SYNDIG1: variants seen among roughly 807,000 people sequenced by gnomAD.
SYNDIG1 encodes synapse differentiation-inducing gene protein 1.
Under a neutral mutation model 19.4 loss-of-function variants are expected in SYNDIG1, and 9 were observed. The observed-to-expected ratio is 0.46, with a 90% CI of 0.28 to 0.81. The LOEUF is 0.81. Ranked by LOEUF, SYNDIG1 falls within the 30% of genes least tolerant of loss-of-function variation. SYNDIG1 has a pLI of 0.12. For missense variants in SYNDIG1, 311 were observed against 343.3 expected (o/e 0.91, Z 0.74); for synonymous variants, 141 against 145.9 (o/e 0.97, Z 0.24).
intron 2 of SYNDIG1, among the ~76,000 whole-genome samples, chr20:24,543,807 A>G (rs992746054): frequency 6.6e-6 from 1 of 152,216 alleles, no homozygotes; most frequent in African/African-American, 2.4e-5. Context: ...TGATTCTGGT[A>G]TGAGATGACC....
chr20:24,580,607 C>T (rs913901554), intron 2 of SYNDIG1, among the ~76,000 whole-genome samples: 1 of 152,122 alleles, frequency 6.6e-6, no homozygotes, highest in African/African-American at 2.4e-5. Flanking sequence ...CAGGGTTTCA[C>T]CATGTTGCCC....
intron 2 of SYNDIG1, among the ~76,000 whole-genome samples, chr20:24,554,279 T>C (rs999706698): frequency 1.1e-4 from 16 of 152,336 alleles, no homozygotes; most frequent in African/African-American, 3.1e-4. Flanking sequence ...CCTCTTTTCC[T>C]AATTGAATAC....
At chr20:24,541,090 G>A (rs533007000) in intron 1 of SYNDIG1, among the ~76,000 whole-genome samples, 3 of 152,208 alleles carry the variant, frequency 2.0e-5, no homozygotes, top group Admixed American at 2.0e-4. Context: ...AGCTGAAAGG[G>A]ACCTGAAAAC....
intron 3 of SYNDIG1, among the ~76,000 whole-genome samples, chr20:24,594,960 A>G (rs1346067126): frequency 6.6e-6 from 1 of 152,238 alleles, no homozygotes; most frequent in South Asian, 2.1e-4. Flanking sequence ...ATTATCTGCC[A>G]ACAGAGATAG....
At chr20:24,540,169 T>C (rs1273469004) in intron 1 of SYNDIG1, among the ~76,000 whole-genome samples, 1 of 152,250 alleles carries the variant, frequency 6.6e-6, no homozygotes, top group South Asian at 2.1e-4. Context: ...TTTGTTGCTA[T>C]TGTAAATGAA....
chr20:24,525,092 G>A (rs2057093371), intron 1 of SYNDIG1, among the ~76,000 whole-genome samples: 1 of 151,948 alleles, frequency 6.6e-6, no homozygotes, highest in Admixed American at 6.6e-5. Flanking sequence ...GTTTCTCAAT[G>A]ATCCTGACCT....
intron 3 of SYNDIG1, among the ~76,000 whole-genome samples, chr20:24,622,529 T>G (rs1044097966): frequency 6.6e-6 from 1 of 152,204 alleles, no homozygotes; most frequent in African/African-American, 2.4e-5. Context: ...GTCAGATCAC[T>G]GGTGGCATTA....
chr20:24,517,641 T>C (rs2056906687), intron 1 of SYNDIG1, among the ~76,000 whole-genome samples: 1 of 143,472 alleles, frequency 7.0e-6, no homozygotes, highest in Admixed American at 7.1e-5. Flanking sequence ...TATATATATA[T>C]ATATACACAT....
chr20:24,574,703 G>C (rs771624236), intron 2 of SYNDIG1, among the ~76,000 whole-genome samples: 2 of 152,070 alleles, frequency 1.3e-5, no homozygotes, highest in Non-Finnish European at 2.9e-5. Flanking sequence ...CAGGAATATG[G>C]AAAACAAGTC....
intron 1 of SYNDIG1, among the ~76,000 whole-genome samples, chr20:24,471,771 A>T (rs2892183): frequency 0.59 from 90,169 of 151,848 alleles, 26,916 homozygotes; most frequent in East Asian, 0.73. Flanking sequence ...TTTGGAGGCC[A>T]CAGAGTTTTG....
At chr20:24,557,444 T>G (rs2057844577) in intron 2 of SYNDIG1, among the ~76,000 whole-genome samples, 1 of 152,178 alleles carries the variant, frequency 6.6e-6, no homozygotes, top group African/African-American at 2.4e-5. Context: ...TTTTATCTAC[T>G]TTTGGTCTTT....
chr20:24,504,997 G>A (rs1484111752), intron 1 of SYNDIG1, among the ~76,000 whole-genome samples: 1 of 152,182 alleles, frequency 6.6e-6, no homozygotes, highest in Non-Finnish European at 1.5e-5. Flanking sequence ...AGTAGGACTT[G>A]TTGATGCTTT....
chr20:24,648,330 C>A (rs1338986507), intron 3 of SYNDIG1, among the ~76,000 whole-genome samples: 2 of 152,328 alleles, frequency 1.3e-5, no homozygotes, highest in East Asian at 1.9e-4. Flanking sequence ...CATTGCCCTG[C>A]AGGGTGTGTC....
Position 24,626,159 on chromosome 20 carries a change from G to A in SYNDIG1, c.619-39187G>A, listed in dbSNP as rs1390572309. Among the ~76,000 whole-genome samples, 12 of 150,884 alleles carry A rather than the reference G, an allele frequency of 8.0e-5. No individual in the cohort carries two copies. The East Asian group carries it at 2.2e-3, about 27-fold the overall frequency. On this transcript the variant is annotated intron_variant, in intron 3 of 3. Coordinates refer to ENST00000376862, the MANE Select transcript of SYNDIG1 (RefSeq NM_024893.3). ...CACCTCCCGGACGGGGCGGCTGGCC[G>A]GGCAGGGGGCTGACCCCCCACCTCC...
chr20:24,518,017 G>T (rs917708597), intron 1 of SYNDIG1, among the ~76,000 whole-genome samples: 1 of 151,768 alleles, frequency 6.6e-6, no homozygotes, highest in East Asian at 2.0e-4. Context: ...GTGTTAGCCA[G>T]TATGGGTCTT....
chr20:24,489,756 G>C (rs2056093533), intron 1 of SYNDIG1, among the ~76,000 whole-genome samples: 1 of 152,348 alleles, frequency 6.6e-6, no homozygotes, highest in Admixed American at 6.5e-5. Context: ...AGGGAGGAGG[G>C]AGTTGCCACT....
At chr20:24,559,309 C>T (rs763096767) in intron 2 of SYNDIG1, among the ~76,000 whole-genome samples, 32 of 152,150 alleles carry the variant, frequency 2.1e-4, no homozygotes, top group Middle Eastern at 3.4e-3. Flanking sequence ...AGAGTGGGAG[C>T]AGGGAGGATG....
intron 3 of SYNDIG1, among the ~76,000 whole-genome samples, chr20:24,601,124 T>C (rs2058674019): frequency 6.6e-6 from 1 of 152,256 alleles, no homozygotes; most frequent in Non-Finnish European, 1.5e-5. Context: ...TTTAATCTAC[T>C]AATATAAATT....
chr20:24,599,080 A>G (rs1183014598), intron 3 of SYNDIG1, among the ~76,000 whole-genome samples: 2 of 152,234 alleles, frequency 1.3e-5, no homozygotes, highest in East Asian at 3.8e-4. Context: ...AAATATTTGC[A>G]AACTAGACAT....
Sources: gnomAD v4.1 joint callset for allele counts (sites outside exome capture counted in the v4.1 genomes callset) on GRCh38, gnomAD v4.1.1 for gene constraint, MANE v1.5 for transcripts, NCBI Gene and HGNC (gene_info 2026-07-23, HGNC 2026-07-21) for gene names.